Variants in FOXN3 observed in about 807,000 individuals in gnomAD.
The protein encoded by FOXN3 is forkhead box N3.
FOXN3 carries 7 observed loss-of-function variants against 38.4 expected under a neutral mutation model. The ratio of observed to expected loss-of-function variants is 0.18; its 90% confidence interval spans 0.10 to 0.34. The LOEUF is 0.34. Among genes scored for constraint, FOXN3 ranks in the 10% least tolerant of loss-of-function variants. FOXN3 has a pLI of 1.00. For missense variants in FOXN3, 456 were observed against 613.4 expected (o/e 0.74, Z 2.71); for synonymous variants, 230 against 242.2 (o/e 0.95, Z 0.47).
At chr14:89,210,449 A>G (rs1319919694) in intron 4 of FOXN3, among the ~76,000 whole-genome samples, 1 of 152,176 alleles carries the variant, frequency 6.6e-6, no homozygotes, top group African/African-American at 2.4e-5. Context: ...TTTCTTTATA[A>G]ATTACCCAGT....
chr14:89,360,743 C>CCTCCACCACCACCACCTCCAGCACT (rs1889478146), intron 2 of FOXN3, among the ~76,000 whole-genome samples: 8 of 96,910 alleles, frequency 8.3e-5, no homozygotes, highest in East Asian at 3.6e-4. Flanking sequence ...CCTCCAGCAC[C>CCTCCACCACCACCACCTCCAGCACT]ACCTCCACCA....
At chr14:89,181,557 A>C (rs2139797147) in intron 4 of FOXN3, among the ~76,000 whole-genome samples, 1 of 152,258 alleles carries the variant, frequency 6.6e-6, no homozygotes, top group South Asian at 2.1e-4. Context: ...CTCTCAAGCA[A>C]ATCTCCTGAG....
chr14:89,202,908 C>A (rs1033893919), intron 4 of FOXN3, among the ~76,000 whole-genome samples: 12 of 151,956 alleles, frequency 7.9e-5, no homozygotes, highest in East Asian at 1.9e-4. Context: ...TACAAAAAAA[C>A]CCCACAGAAC....
At chr14:89,166,479 G>A (rs183397496) in intron 5 of FOXN3, among the ~76,000 whole-genome samples, 619 of 152,260 alleles carry the variant, frequency 4.1e-3, no homozygotes, top group Non-Finnish European at 7.0e-3. Flanking sequence ...CCATTTCACA[G>A]AAAAACAGAA....
intron 2 of FOXN3, among the ~76,000 whole-genome samples, chr14:89,390,482 C>T (rs971467094): frequency 7.2e-6 from 1 of 139,258 alleles, no homozygotes; most frequent in African/African-American, 2.6e-5. Flanking sequence ...TTTCTCTAAG[C>T]TGCTTTTTAA....
At chr14:89,233,634 T>A (rs2139857463) in intron 4 of FOXN3, among the ~76,000 whole-genome samples, 1 of 152,320 alleles carries the variant, frequency 6.6e-6, no homozygotes, top group South Asian at 2.1e-4. Context: ...AGTCTAATGG[T>A]TTAACTTAAA....
chr14:89,420,557 G>C (rs916687113), upstream of FOXN3, among the ~76,000 whole-genome samples: 1 of 152,172 alleles, frequency 6.6e-6, no homozygotes, highest in African/African-American at 2.4e-5. Flanking sequence ...GAAAGCACAA[G>C]GGGATGATTT....
At chr14:89,497,475 C>T (rs1234664815) in intron 1 of FOXN3, among the ~76,000 whole-genome samples, 3 of 146,990 alleles carry the variant, frequency 2.0e-5, no homozygotes, top group African/African-American at 7.6e-5. Context: ...GGCGCGATCT[C>T]GGCTCACTAC....
intron 1 of FOXN3, among the ~76,000 whole-genome samples, chr14:89,503,797 G>A (rs746983647): frequency 2.0e-5 from 3 of 152,138 alleles, no homozygotes; most frequent in Admixed American, 6.5e-5. Flanking sequence ...TTGTCTCACC[G>A]GGCATATTAA....
intron 4 of FOXN3, among the ~76,000 whole-genome samples, chr14:89,202,731 C>T (rs1232851625): frequency 6.6e-6 from 1 of 152,232 alleles, no homozygotes; most frequent in Non-Finnish European, 1.5e-5. Context: ...TGCTTTCCCT[C>T]TCACTCTGTG....
chr14:89,344,001 A>G (rs920104159), intron 3 of FOXN3, among the ~76,000 whole-genome samples: 8 of 152,136 alleles, frequency 5.3e-5, no homozygotes, highest in African/African-American at 1.9e-4. Flanking sequence ...ACCTCAAGTG[A>G]TCCACCCACC....
intron 4 of FOXN3, among the ~76,000 whole-genome samples, chr14:89,199,405 G>A (rs569563878): frequency 2.4e-4 from 36 of 152,290 alleles, no homozygotes; most frequent in African/African-American, 8.7e-4. Flanking sequence ...GTTGGAGACG[G>A]AGAACACCAA....
At chr14:89,424,600 AG>A (rs1376756682) in intron 1 of FOXN3, among the ~76,000 whole-genome samples, 2 of 152,054 alleles carry the variant, frequency 1.3e-5, no homozygotes, top group Non-Finnish European at 2.9e-5. Context: ...GGGGGAAGGC[AG>A]GTGCGGTGGC....
intron 3 of FOXN3, among the ~76,000 whole-genome samples, chr14:89,334,435 C>T (rs925212925): frequency 1.3e-5 from 2 of 152,036 alleles, no homozygotes; most frequent in African/African-American, 4.8e-5. Context: ...CATGGCAAAA[C>T]CCTGTCTCTA....
At chr14:89,582,386 T>C (rs1895758881) in intron 1 of FOXN3, among the ~76,000 whole-genome samples, 1 of 152,122 alleles carries the variant, frequency 6.6e-6, no homozygotes, top group Non-Finnish European at 1.5e-5. Flanking sequence ...ACGCAATAAA[T>C]ATTTTTTAAA....
At chr14:89,511,153 CTTT>C (rs1566680837) in intron 1 of FOXN3, among the ~76,000 whole-genome samples, 2 of 20,612 alleles carry the variant, frequency 9.7e-5, no homozygotes, top group African/African-American at 1.6e-4. Flanking sequence ...TTCTTTCTTT[CTTT>C]CTTTCTTTCT....
At chr14:89,190,242 A>C in intron 4 of FOXN3, 1 of 592,794 alleles carries the variant, frequency 1.7e-6, no homozygotes, top group Admixed American at 3.2e-5. Flanking sequence ...ATATGCATGT[A>C]ATCATGCACT....
intron 4 of FOXN3, among the ~76,000 whole-genome samples, chr14:89,269,687 C>A (rs1007010118): frequency 6.6e-6 from 1 of 152,030 alleles, no homozygotes; most frequent in Admixed American, 6.5e-5. Flanking sequence ...GAGCAAGTGC[C>A]GGAGAGGTGG....
intron 1 of FOXN3, among the ~76,000 whole-genome samples, chr14:89,467,025 C>A (rs1892985224): frequency 6.6e-6 from 1 of 152,234 alleles, no homozygotes; most frequent in East Asian, 1.9e-4. Flanking sequence ...GTTGCTGGGA[C>A]CTACCACTGT....
Sources: allele counts gnomAD v4.1 joint callset (sites outside exome capture counted in the v4.1 genomes callset), GRCh38; gene constraint gnomAD v4.1.1; transcripts MANE v1.5; gene names NCBI Gene and HGNC (gene_info 2026-07-23, HGNC 2026-07-21).